The following STX18 variants were observed in gnomAD, a reference collection of about 807,000 sequenced individuals.
The protein encoded by STX18 is syntaxin 18, also known as syntaxin-18.
Under a neutral mutation model 50.1 loss-of-function variants are expected in STX18, and 40 were observed. The observed-to-expected ratio is 0.80, with a 90% CI of 0.62 to 1.04. The LOEUF (loss-of-function observed/expected upper bound fraction) is 1.04. Ranked by LOEUF, STX18 falls within the 50% of genes least tolerant of loss-of-function variation. STX18 has a pLI of 0.00. For synonymous variants in STX18, 158 were observed against 151.8 expected, an observed-to-expected ratio of 1.04 and a Z score of -0.30; for missense variants, 410 against 415.8, an observed-to-expected ratio of 0.99 and a Z score of 0.12.
chr4:4,423,748 C>A, intron 8 of STX18, 161 bp from the exon 9 acceptor site: 1 of 675,104 alleles, frequency 1.5e-6, no homozygotes. Flanking sequence ...GGAAGGCGAA[C>A]TCTCCTTACT....
chr4:4,506,390 A>T (rs1042222751), intron 1 of STX18, among the ~76,000 whole-genome samples: 4 of 152,264 alleles, frequency 2.6e-5, no homozygotes, highest in Non-Finnish European at 5.9e-5. Flanking sequence ...CACATCTAGA[A>T]TCAACCTTAA....
intron 1 of STX18, among the ~76,000 whole-genome samples, chr4:4,496,407 C>T (rs972224524): frequency 6.6e-6 from 1 of 152,136 alleles, no homozygotes; most frequent in South Asian, 2.1e-4. Context: ...GCAGCCAACC[C>T]GCCATCAAGT....
chr4:4,500,196 A>G (rs1729371888), intron 1 of STX18, among the ~76,000 whole-genome samples: 1 of 152,238 alleles, frequency 6.6e-6, no homozygotes, highest in Non-Finnish European at 1.5e-5. Context: ...AAATCAGTCC[A>G]TAATAACATC....
chr4:4,433,023 C>T (rs1725590158), intron 7 of STX18, among the ~76,000 whole-genome samples: 1 of 152,218 alleles, frequency 6.6e-6, no homozygotes, highest in Non-Finnish European at 1.5e-5. Context: ...TGCAGCAACA[C>T]TTGCCTAGAC....
chr4:4,437,102 G>C (rs1341458076), intron 6 of STX18, among the ~76,000 whole-genome samples: 3 of 152,078 alleles, frequency 2.0e-5, no homozygotes, highest in African/African-American at 7.2e-5. Context: ...TGGGATTACA[G>C]GCGTGTGCCA....
intron 1 of STX18, among the ~76,000 whole-genome samples, chr4:4,482,287 T>C (rs945140385): frequency 1.3e-5 from 2 of 152,140 alleles, no homozygotes; most frequent in Non-Finnish European, 2.9e-5. Context: ...AGCCGCTGCC[T>C]CCCTCCTGTG....
In STX18 at chr4:4,471,661, T is replaced by C. The variant is rs760917484; in HGVS notation, c.214A>G (p.Lys72Glu). Reference protein sequence around the residue: ...KLRDFLLEHRKDYINAYSHTM... With the variant: ...KLRDFLLEHREDYINAYSHTM... ...TACCTATAAGCATTAATATAATCTT[T>C]CCTGTGTTCCAGAAGAAAATCTCTC... Residue 72 changes from lysine to glutamate, a missense_variant, in exon 2 of 11, where the codon AAA (lysine) becomes GAA (glutamate). By Grantham distance (56) the Lys-to-Glu change is moderately conservative (BLOSUM62 1). Coordinates refer to ENST00000306200, the MANE Select transcript of STX18 (RefSeq NM_016930.4). 1.2e-5 allele frequency: 19 copies of C among 1,581,634 alleles called. No individual in the cohort carries two copies. The highest frequency in any genetic ancestry group is 4.7e-5 in the South Asian group (4 of 84,328).
chr4:4,487,836 C>A (rs898419880), intron 1 of STX18, among the ~76,000 whole-genome samples: 1 of 152,136 alleles, frequency 6.6e-6, no homozygotes, highest in South Asian at 2.1e-4. Context: ...TTAAAAAATT[C>A]TAAGTCCAAA....
intron 1 of STX18, among the ~76,000 whole-genome samples, chr4:4,489,109 A>G (rs994774923): frequency 2.0e-5 from 3 of 152,126 alleles, no homozygotes; most frequent in Non-Finnish European, 4.4e-5. Flanking sequence ...TTTTATCTCA[A>G]AGTTCTGAGA....
At chr4:4,441,979 G>A (rs1384069335) in intron 5 of STX18, among the ~76,000 whole-genome samples, 1 of 152,190 alleles carries the variant, frequency 6.6e-6, no homozygotes, top group East Asian at 1.9e-4. Flanking sequence ...ATAGGTATAT[G>A]GGTGTTCACT....
rs148983474 is a variant in STX18, at chr4:4,461,079, T to C, written c.237-1592A>G. Among the ~76,000 whole-genome samples, 102 of 152,366 alleles carry C rather than the reference T, an allele frequency of 6.7e-4. 1 individual carries two copies. In the East Asian group the frequency reaches 0.017, roughly 25 times the overall value. ...TAGAAATGACTAGTTCCAAGAACAT[T>C]CGATTAACATCCTCCTACTCTATAT... On this transcript the variant is annotated intron_variant, in intron 2 of 10. Coordinates refer to ENST00000306200, the MANE Select transcript of STX18 (RefSeq NM_016930.4).
At chr4:4,471,752 C>G (rs367985235) in intron 1 of STX18, 46 bp from the exon 2 acceptor site, 1 of 1,310,840 alleles carries the variant, frequency 7.6e-7, no homozygotes, top group Non-Finnish European at 1.1e-6. Flanking sequence ...ATATGTTACA[C>G]TCATGTAATG....
At chr4:4,457,561 T>C in intron 3 of STX18, 61 bp from the exon 4 acceptor site, 2 of 1,241,312 alleles carry the variant, frequency 1.6e-6, no homozygotes, top group Admixed American at 4.0e-5. Context: ...GAGCAATTCA[T>C]CAGCTTCCTC....
At chr4:4,507,305 A>G in intron 1 of STX18, 1 of 725,192 alleles carries the variant, frequency 1.4e-6, no homozygotes, top group Middle Eastern at 4.0e-4. Context: ...AAGAACTCGG[A>G]CCTCAAGGCT....
chr4:4,444,269 ACT>A (rs1726271490), intron 5 of STX18, among the ~76,000 whole-genome samples: 1 of 151,742 alleles, frequency 6.6e-6, no homozygotes. Flanking sequence ...CCCCAAATAA[ACT>A]CTGTTTTGTT....
At chr4:4,532,419 A>G (rs535584700) in intron 1 of STX18, among the ~76,000 whole-genome samples, 1 of 152,270 alleles carries the variant, frequency 6.6e-6, no homozygotes, top group South Asian at 2.1e-4. Flanking sequence ...ACATTTGTGA[A>G]AACACACCAA....
intron 5 of STX18, among the ~76,000 whole-genome samples, chr4:4,452,901 A>G (rs1726840576): frequency 1.3e-5 from 2 of 152,184 alleles, no homozygotes. Flanking sequence ...ACCTTCCTGA[A>G]TAACTTTGAG....
chr4:4,507,920 T>C (rs1210015303), intron 1 of STX18: 6 of 503,032 alleles, frequency 1.2e-5, no homozygotes, highest in African/African-American at 1.2e-4. Flanking sequence ...CATTCCGTAT[T>C]TACTGCCTGC....
In STX18 at chr4:4,434,803, G is replaced by A. The variant is rs370875945; in HGVS notation, c.669C>T (p.Gly223=). 1.3e-4 allele frequency: 209 copies of A among 1,606,114 alleles called. No individual in the cohort carries two copies. The highest frequency in any genetic ancestry group is 1.5e-4 in the South Asian group (13 of 88,608). The change falls in exon 7 of 11, where the codon GGC becomes GGT. Residue 223 remains glycine (G), a synonymous_variant. Coordinates refer to ENST00000306200, the MANE Select transcript of STX18 (RefSeq NM_016930.4). The stretch of plus-strand genomic sequence containing the variant: ...TTTCTTCTGGGGATAACTCATCTTC[G>A]CCTTTGCCATCTCCCCACGTTCCCA... The part of the protein sequence containing the change: ...PELGTWGDGK[G]EDELSPEEIQ...
Sources: allele counts gnomAD v4.1 joint callset (sites outside exome capture counted in the v4.1 genomes callset), GRCh38; gene constraint gnomAD v4.1.1; transcripts MANE v1.5; gene names NCBI Gene and HGNC (gene_info 2026-07-23, HGNC 2026-07-21).